TAF3: variants seen among roughly 807,000 people sequenced by gnomAD.
The protein encoded by TAF3 is transcription initiation factor TFIID subunit 3.
Under a neutral mutation model 80.6 loss-of-function variants are expected in TAF3, and 7 were observed. That is an observed-to-expected ratio of 0.09 (90% CI 0.05 to 0.16). The LOEUF is 0.16. Among genes scored for constraint, TAF3 ranks in the 10% least tolerant of loss-of-function variants. TAF3 has a pLI of 1.00. For missense variants in TAF3, 921 were observed against 1,140.2 expected (o/e 0.81, Z 2.77); for synonymous variants, 444 against 446.1 (o/e 1.00, Z 0.06).
At chr10:7,903,035 A>G (rs1332896540) in intron 2 of TAF3, among the ~76,000 whole-genome samples, 2 of 152,100 alleles carry the variant, frequency 1.3e-5, no homozygotes, top group Non-Finnish European at 2.9e-5. Context: ...AGCCTGGACA[A>G]CATAGTAGGA....
chr10:8,002,093 G>T (rs1169153517), intron 4 of TAF3, among the ~76,000 whole-genome samples: 1 of 151,910 alleles, frequency 6.6e-6, no homozygotes, highest in Non-Finnish European at 1.5e-5. Flanking sequence ...GCTTATTTTT[G>T]CCTGCAGTCA....
intron 2 of TAF3, among the ~76,000 whole-genome samples, chr10:7,939,691 G>A (rs1837959670): frequency 6.6e-6 from 1 of 151,776 alleles, no homozygotes; most frequent in African/African-American, 2.4e-5. Context: ...AAGAGCCAGA[G>A]CAAGTTAGAA....
At chr10:7,820,989 A>G (rs1050706760) in intron 1 of TAF3, among the ~76,000 whole-genome samples, 1 of 152,192 alleles carries the variant, frequency 6.6e-6, no homozygotes, top group African/African-American at 2.4e-5. Flanking sequence ...GTTTGCTACC[A>G]TGTATCTTTA....
At chr10:7,882,635 A>G (rs546538723) in intron 2 of TAF3, among the ~76,000 whole-genome samples, 1 of 152,284 alleles carries the variant, frequency 6.6e-6, no homozygotes, top group African/African-American at 2.4e-5. Flanking sequence ...GAATTCTCCA[A>G]CAGTCAGTGT....
chr10:7,940,349 A>G (rs981644458), intron 2 of TAF3, among the ~76,000 whole-genome samples: 1 of 152,240 alleles, frequency 6.6e-6, no homozygotes, highest in East Asian at 1.9e-4. Flanking sequence ...AGCACCCAGT[A>G]TATTTTTAGC....
At chr10:8,011,068 G>A (rs976400273) in intron 5 of TAF3, among the ~76,000 whole-genome samples, 2 of 152,226 alleles carry the variant, frequency 1.3e-5, no homozygotes, top group Admixed American at 6.5e-5. Flanking sequence ...AACACACAAC[G>A]AAATATTTAA....
At position 7,873,947 on chromosome 10, in the gene TAF3, TCCCCTC is replaced by T. The variant is rs1036648294; in HGVS notation, c.409+49388_409+49393del. 1.5e-4 allele frequency among the ~76,000 whole-genome samples: 23 copies of T among 152,302 alleles called. No individual in the cohort carries two copies. The East Asian group carries it at 3.3e-3, about 22-fold the overall frequency. Reference sequence around the variant, plus strand: ...TCTTGGTCATGATTACCGCTGTGTTTCCCCTCGAGAGGCCATTGCAGGTTTTAGTCT... The same window carrying T: ...TCTTGGTCATGATTACCGCTGTGTTTGAGAGGCCATTGCAGGTTTTAGTCT... On this transcript the variant is annotated intron_variant, in intron 2 of 6. Coordinates refer to ENST00000344293, the MANE Select transcript of TAF3 (RefSeq NM_031923.4).
chr10:7,862,986 C>T (rs1312781), intron 2 of TAF3, among the ~76,000 whole-genome samples: 10 of 151,926 alleles, frequency 6.6e-5, no homozygotes, highest in African/African-American at 1.7e-4. Flanking sequence ...TTTCAAATAA[C>T]GTTGATATGA....
intron 2 of TAF3, among the ~76,000 whole-genome samples, chr10:7,899,844 A>G (rs923150420): frequency 3.3e-5 from 5 of 152,238 alleles, no homozygotes; most frequent in African/African-American, 1.2e-4. Context: ...AGGGAAATGA[A>G]TATACACGTG....
At chr10:7,861,328 G>A (rs935643225) in intron 2 of TAF3, among the ~76,000 whole-genome samples, 10 of 151,918 alleles carry the variant, frequency 6.6e-5, no homozygotes, top group Admixed American at 6.6e-5. Context: ...GGCTGGTCTT[G>A]AACTCCTGAC....
In TAF3 at chr10:7,964,567, A is replaced by G. The variant is rs745512927; in HGVS notation, c.1057A>G (p.Ser353Gly). ...TPSATLSEKI[S>G]KETIQVKQIQ... The stretch of plus-strand genomic sequence containing the variant: ...TTCAGCTACACTCAGTGAAAAAATC[A>G]GTAAAGAGACTATCCAGGTAAAACA... Residue 353 changes from serine (S) to glycine (G), a missense_variant, in exon 3 of 7, where the codon AGT (serine) becomes GGT (glycine). Coordinates refer to ENST00000344293, the MANE Select transcript of TAF3 (RefSeq NM_031923.4). This position sits in a 1 kb window ranked among gnomAD's most constrained non-coding sequence, Gnocchi z 4.1. The G allele has an allele frequency of 1.2e-6, 2 of 1,614,118 alleles. No individual in the cohort carries two copies. The highest frequency in any genetic ancestry group is 1.1e-5 in the South Asian group (1 of 91,078).
At chr10:7,874,881 C>G (rs901957226) in intron 2 of TAF3, among the ~76,000 whole-genome samples, 1 of 151,924 alleles carries the variant, frequency 6.6e-6, no homozygotes, top group East Asian at 1.9e-4. Flanking sequence ...GTATTGAGCT[C>G]GGGTTTTTTT....
intron 4 of TAF3, among the ~76,000 whole-genome samples, chr10:7,996,836 C>T (rs1313339143): frequency 2.9e-5 from 4 of 135,892 alleles, no homozygotes; most frequent in Admixed American, 2.3e-4. Flanking sequence ...CGCACCACCA[C>T]ACTCTATTTT....
In TAF3 at chr10:7,867,845, G is replaced by A. The variant is rs893337320; in HGVS notation, c.409+43285G>A. Among the ~76,000 whole-genome samples, 32 of 152,292 alleles carry A rather than the reference G, an allele frequency of 2.1e-4. 1 individual carries two copies. Among genetic ancestry groups the A allele is most frequent in the South Asian group, 1.7e-3 (8 of 4,816 alleles). ...TGACTCCCCCAAAACTTTACTAATA[G>A]CTTACTGTTGACTGTAAGCCTTACC... On this transcript the variant is annotated intron_variant, in intron 2 of 6. Coordinates refer to ENST00000344293, the MANE Select transcript of TAF3 (RefSeq NM_031923.4).
chr10:7,852,133 G>C (rs901224591), intron 2 of TAF3, among the ~76,000 whole-genome samples: 1 of 152,048 alleles, frequency 6.6e-6, no homozygotes, highest in Non-Finnish European at 1.5e-5. Flanking sequence ...TGCCCAGGCT[G>C]GAGTGCAGTG....
At chr10:7,900,014 T>C (rs1030615123) in intron 2 of TAF3, among the ~76,000 whole-genome samples, 1 of 152,226 alleles carries the variant, frequency 6.6e-6, no homozygotes, top group African/African-American at 2.4e-5. Flanking sequence ...TCCACTCATA[T>C]CCAACTCCCT....
chr10:7,842,845 G>GTCT (rs2131117067), intron 2 of TAF3, among the ~76,000 whole-genome samples: 1 of 152,282 alleles, frequency 6.6e-6, no homozygotes, highest in Non-Finnish European at 1.5e-5. Context: ...GATTTTCCAA[G>GTCT]GGCAGGCCCA....
chr10:7,884,233 C>A (rs1837387153), intron 2 of TAF3, among the ~76,000 whole-genome samples: 1 of 152,104 alleles, frequency 6.6e-6, no homozygotes, highest in Non-Finnish European at 1.5e-5. Flanking sequence ...CCCGGTTTGG[C>A]CCCTGGGAGC....
chr10:7,953,205 CA>C (rs1214799268), intron 2 of TAF3, among the ~76,000 whole-genome samples: 1 of 152,132 alleles, frequency 6.6e-6, no homozygotes, highest in Admixed American at 6.5e-5. Flanking sequence ...CTTCTCACTT[CA>C]AAAAGTAGGG....
Sources: allele counts gnomAD v4.1 joint callset (sites outside exome capture counted in the v4.1 genomes callset), GRCh38; gene constraint gnomAD v4.1.1; non-coding constraint Gnocchi (gnomAD v3.1); transcripts MANE v1.5; gene names NCBI Gene and HGNC (gene_info 2026-07-23, HGNC 2026-07-21).